The following NR2F1-AS1 variants were observed in gnomAD, a reference collection of about 807,000 sequenced individuals.
The protein encoded by NR2F1-AS1 is NR2F1 regulatory antisense RNA 1.
chr5:93,546,090 C>A (rs1752078909), intron 4 of NR2F1-AS1, among the ~76,000 whole-genome samples: 1 of 152,158 alleles, frequency 6.6e-6, no homozygotes, highest in Non-Finnish European at 1.5e-5. Flanking sequence ...TAATTAACCT[C>A]TCCGAACTTC....
At chr5:93,454,669 G>A (rs1247820256) in intron 4 of NR2F1-AS1, among the ~76,000 whole-genome samples, 1 of 152,168 alleles carries the variant, frequency 6.6e-6, no homozygotes, top group Non-Finnish European at 1.5e-5. Flanking sequence ...ATAGAAGGTT[G>A]GAACTTTTAG....
intron 4 of NR2F1-AS1, among the ~76,000 whole-genome samples, chr5:93,548,549 A>T (rs550965576): frequency 7.9e-5 from 12 of 152,280 alleles, no homozygotes; most frequent in African/African-American, 2.9e-4. Context: ...GTTAAAAAAG[A>T]CTTAAAGTTT....
At chr5:93,468,619 T>C (rs1750296528) in intron 4 of NR2F1-AS1, among the ~76,000 whole-genome samples, 1 of 152,222 alleles carries the variant, frequency 6.6e-6, no homozygotes, top group Non-Finnish European at 1.5e-5. Context: ...TGATGATAGT[T>C]TATTTTGCTG....
intron 4 of NR2F1-AS1, among the ~76,000 whole-genome samples, chr5:93,444,534 A>G (rs1417974629): frequency 1.3e-5 from 2 of 152,216 alleles, no homozygotes; most frequent in African/African-American, 4.8e-5. Context: ...ACAGAGGAGC[A>G]CCCAGATTCA....
intron 4 of NR2F1-AS1, among the ~76,000 whole-genome samples, chr5:93,508,011 T>C (rs1751222027): frequency 6.6e-6 from 1 of 152,176 alleles, no homozygotes; most frequent in African/African-American, 2.4e-5. Context: ...TGTTGGTAGA[T>C]GAAAAAAATT....
At chr5:93,421,720 T>C (rs1308378585) in intron 4 of NR2F1-AS1, among the ~76,000 whole-genome samples, 1 of 152,192 alleles carries the variant, frequency 6.6e-6, no homozygotes, top group East Asian at 1.9e-4. Context: ...GGCCGCTCCA[T>C]TGTCCCCAGC....
At position 93,557,489 on chromosome 5, in the gene NR2F1-AS1, T is replaced by A. The variant is rs144565014; in HGVS notation, n.414-2494A>T. ...TTTCCCAGTGCACATAAAAGTTATG[T>A]CTACACTATAATGAAGTCTATTAAA... is the stretch of plus-strand genomic sequence containing the variant. On this transcript the variant is annotated intron_variant and non_coding_transcript_variant, in intron 2 of 5. Coordinates refer to ENST00000660523, the Ensembl canonical transcript of NR2F1-AS1. 6.8e-3 allele frequency among the ~76,000 whole-genome samples: 1,040 copies of A among 152,322 alleles called. 10 individuals are homozygous for A. Among genetic ancestry groups the A allele is most frequent in the East Asian group, 0.035 (182 of 5,180 alleles).
intron 4 of NR2F1-AS1, among the ~76,000 whole-genome samples, chr5:93,499,279 G>A (rs773475339): frequency 2.6e-5 from 4 of 152,134 alleles, no homozygotes; most frequent in African/African-American, 9.7e-5. Flanking sequence ...TCACTTTACT[G>A]TGCTTCACTT....
chr5:93,585,320 C>T, upstream of NR2F1-AS1: 4 of 1,612,912 alleles, frequency 2.5e-6, no homozygotes, highest in Non-Finnish European at 3.4e-6. Flanking sequence ...AGCACTACGG[C>T]CAATTCACCT....
intron 4 of NR2F1-AS1, among the ~76,000 whole-genome samples, chr5:93,494,198 A>G (rs1279418380): frequency 6.6e-6 from 1 of 152,236 alleles, no homozygotes; most frequent in African/African-American, 2.4e-5. Context: ...AAGGAGCTGA[A>G]TAGGCATTTC....
At chr5:93,556,238 T>A (rs1256173024) in intron 2 of NR2F1-AS1, among the ~76,000 whole-genome samples, 1 of 152,204 alleles carries the variant, frequency 6.6e-6, no homozygotes, top group Non-Finnish European at 1.5e-5. Context: ...CATCCAATCA[T>A]ATTTAATTTA....
intron 4 of NR2F1-AS1, among the ~76,000 whole-genome samples, chr5:93,466,148 T>C (rs1361111943): frequency 6.6e-6 from 1 of 152,100 alleles, no homozygotes; most frequent in African/African-American, 2.4e-5. Flanking sequence ...AACCCTCAGA[T>C]GGTTGAGGCC....
upstream of NR2F1-AS1, among the ~76,000 whole-genome samples, chr5:93,581,513 A>C (rs2149936519): frequency 6.6e-6 from 1 of 151,890 alleles, no homozygotes; most frequent in East Asian, 2.0e-4. Context: ...GGAGGGGAGG[A>C]GGGACTCGGC....
chr5:93,416,608 TC>T, intron 4 of NR2F1-AS1, among the ~76,000 whole-genome samples: 1 of 152,168 alleles, frequency 6.6e-6, no homozygotes, highest in Non-Finnish European at 1.5e-5. Flanking sequence ...TCTCATTTAG[TC>T]CTCAAAACAG....
intron 4 of NR2F1-AS1, among the ~76,000 whole-genome samples, chr5:93,427,003 C>G (rs377165345): frequency 6.6e-6 from 1 of 152,254 alleles, no homozygotes; most frequent in East Asian, 1.9e-4. Flanking sequence ...ATGGAATCAC[C>G]ATTTATAAGT....
intron 4 of NR2F1-AS1, among the ~76,000 whole-genome samples, chr5:93,445,201 A>G (rs878901685): frequency 1.3e-5 from 2 of 152,232 alleles, no homozygotes; most frequent in African/African-American, 4.8e-5. Context: ...AACTAAGATC[A>G]GAGCAGAACT....
At chr5:93,438,621 G>C (rs958801155) in intron 4 of NR2F1-AS1, 1 of 152,218 alleles carries the variant, frequency 6.6e-6, no homozygotes, top group Non-Finnish European at 1.5e-5. Context: ...ACTGCAGCTG[G>C]AATGATCTGA....
intron 4 of NR2F1-AS1, among the ~76,000 whole-genome samples, chr5:93,413,063 G>GGTGTGTGTGTGTGTGT (rs71613591): frequency 2.2e-5 from 3 of 139,194 alleles, no homozygotes; most frequent in Non-Finnish European, 4.7e-5. Flanking sequence ...ATAGCACTAT[G>GGTGTGTGTGTGTGTGT]GTGTGTGTGT....
intron 1 of NR2F1-AS1, among the ~76,000 whole-genome samples, chr5:93,574,647 C>A (rs1163106934): frequency 2.0e-5 from 3 of 152,192 alleles, no homozygotes; most frequent in Non-Finnish European, 4.4e-5. Context: ...AAGCCACTTT[C>A]CCCTTAAAAG....
Sources: gnomAD v4.1 joint callset for allele counts (sites outside exome capture counted in the v4.1 genomes callset) on GRCh38, gnomAD v4.1.1 for gene constraint, MANE v1.5 for transcripts, NCBI Gene and HGNC (gene_info 2026-07-23, HGNC 2026-07-21) for gene names.